Variants in SYN3 observed in about 807,000 individuals in gnomAD.
SYN3 encodes the protein synapsin-3.
SYN3 carries 35 observed loss-of-function variants against 65.8 expected under a neutral mutation model. The observed-to-expected ratio is 0.53, with a 90% CI of 0.41 to 0.70. The LOEUF (loss-of-function observed/expected upper bound fraction) is 0.70. SYN3 is among the 30% of genes least tolerant of loss of function. The pLI is 0.00. For missense variants in SYN3, 680 were observed against 749.0 expected (o/e 0.91, Z 1.08); for synonymous variants, 270 against 292.9 (o/e 0.92, Z 0.80).
At chr22:32,554,466 A>G (rs1270977677) in intron 7 of SYN3, among the ~76,000 whole-genome samples, 1 of 152,196 alleles carries the variant, frequency 6.6e-6, no homozygotes, top group Non-Finnish European at 1.5e-5. Flanking sequence ...ATATAAGCTC[A>G]TAAGACTAGG....
rs1273545819 is a variant in SYN3, at chr22:32,931,371, A to G, written c.461+19T>C. 6.4e-7 allele frequency: 1 copy of G among 1,556,900 alleles called. No homozygotes were observed. Among genetic ancestry groups the G allele is most frequent in the Non-Finnish European group, 8.9e-7 (1 of 1,128,038 alleles). On this transcript the variant is annotated intron_variant, in intron 4 of 13. Transcript: ENST00000358763. ...GTATGCAATTCTCAGAAGGTTCTGC[A>G]TATTTTAATCCTACTTACCTCACCA...
intron 6 of SYN3, among the ~76,000 whole-genome samples, chr22:32,613,421 C>A (rs1288490048): frequency 6.6e-6 from 1 of 152,128 alleles, no homozygotes; most frequent in African/African-American, 2.4e-5. Flanking sequence ...AAATGACCTT[C>A]ATTTTTTCAA....
intron 6 of SYN3, among the ~76,000 whole-genome samples, chr22:32,841,743 T>C (rs566406732): frequency 3.3e-5 from 5 of 152,222 alleles, no homozygotes; most frequent in African/African-American, 1.2e-4. Context: ...CTCGGCTTAA[T>C]ACCTCAGTGA....
rs542228904 is a variant in SYN3, at chr22:32,603,876, C to T, written c.712-7140G>A. Among the ~76,000 whole-genome samples, 8 of 152,344 alleles carry T rather than the reference C, an allele frequency of 5.3e-5. No individual in the cohort carries two copies. In the East Asian group the frequency reaches 7.7e-4, roughly 15 times the overall value. On this transcript the variant is annotated intron_variant, in intron 6 of 13. Transcript: ENST00000358763. ...TCCAGAGTGCAGCACTGCCCAGTGG[C>T]GTAAGAGGCCTGACATCCTGTCAGA...
intron 6 of SYN3, among the ~76,000 whole-genome samples, chr22:32,846,714 T>C (rs958939515): frequency 1.3e-5 from 2 of 152,204 alleles, no homozygotes; most frequent in African/African-American, 4.8e-5. Context: ...GCTATGTTGC[T>C]GCTCCAATAG....
At chr22:32,618,733 C>T (rs569133973) in intron 6 of SYN3, among the ~76,000 whole-genome samples, 3 of 152,234 alleles carry the variant, frequency 2.0e-5, no homozygotes, top group Non-Finnish European at 4.4e-5. Context: ...GAGCTGAGTC[C>T]GCAACAAGTG....
intron 2 of SYN3, among the ~76,000 whole-genome samples, chr22:32,985,520 G>C (rs1336554547): frequency 1.3e-5 from 2 of 152,168 alleles, no homozygotes; most frequent in African/African-American, 4.8e-5. Flanking sequence ...CCTGAGGGGT[G>C]GTAGGGCAGG....
chr22:32,710,548 G>A (rs1396668384), intron 6 of SYN3, among the ~76,000 whole-genome samples: 1 of 150,808 alleles, frequency 6.6e-6, no homozygotes, highest in Non-Finnish European at 1.5e-5. Context: ...CGGGAGAACT[G>A]CTTGAGCCTG....
intron 3 of SYN3, among the ~76,000 whole-genome samples, chr22:32,943,739 A>T (rs2051016110): frequency 6.6e-6 from 1 of 152,228 alleles, no homozygotes; most frequent in African/African-American, 2.4e-5. Flanking sequence ...CTCAAAATAA[A>T]GGGATGGAGG....
intron 1 of SYN3, among the ~76,000 whole-genome samples, chr22:33,024,385 C>A (rs1190539809): frequency 6.6e-6 from 1 of 152,180 alleles, no homozygotes; most frequent in Non-Finnish European, 1.5e-5. Context: ...TCTGATTCCA[C>A]AAGCTGGAAA....
Position 32,939,261 on chromosome 22 carries a change from A to G in SYN3, c.370-7780T>C, listed in dbSNP as rs1243980570. Among the ~76,000 whole-genome samples, 7 of 152,218 alleles carry G rather than the reference A, an allele frequency of 4.6e-5. No individual in the cohort carries two copies. In the East Asian group the frequency reaches 1.3e-3, roughly 29 times the overall value. On this transcript the variant is annotated intron_variant, in intron 3 of 13. Transcript: ENST00000358763. ...AAGAAAGGGAATGAGAAATGGAAATATACTGCTGAAAGGTTCTCACAGTAT... is the reference window on the plus strand; with the variant it reads ...AAGAAAGGGAATGAGAAATGGAAATGTACTGCTGAAAGGTTCTCACAGTAT...
Position 32,516,346 on chromosome 22 carries a change from G to GATTGATTTATTT in SYN3, c.1610+1696_1610+1697insAAATAAATCAAT, listed in dbSNP as rs779603620. ...ACGAGGCTTTTCAACATACATCTTT[G>GATTGATTTATTT]ATTTATTTATTTATTTATTTATTTA... On this transcript the variant is annotated intron_variant, in intron 13 of 13. Transcript: ENST00000358763. Among the ~76,000 whole-genome samples the GATTGATTTATTT allele has an allele frequency of 2.6e-3, 388 of 149,940 alleles. 5 individuals are homozygous for GATTGATTTATTT. The highest frequency in any genetic ancestry group is 9.4e-3 in the African/African-American group (377 of 40,162).
chr22:32,938,601 G>C (rs2050844742), intron 3 of SYN3, among the ~76,000 whole-genome samples: 1 of 151,724 alleles, frequency 6.6e-6, no homozygotes, highest in African/African-American at 2.4e-5. Flanking sequence ...TGTCGGTATG[G>C]AATATTATAC....
At chr22:33,019,118 G>C (rs1234798427) in intron 1 of SYN3, among the ~76,000 whole-genome samples, 2 of 152,170 alleles carry the variant, frequency 1.3e-5, no homozygotes, top group Non-Finnish European at 2.9e-5. Context: ...ACCAGAGGAA[G>C]CCCCCTCGTG....
chr22:33,046,624 C>T (rs545866998), intron 1 of SYN3, among the ~76,000 whole-genome samples: 115 of 152,054 alleles, frequency 7.6e-4, no homozygotes, highest in Admixed American at 1.9e-3. Context: ...AGGTGGATCA[C>T]GAGGTCAGGA....
At chr22:32,781,013 TTCTTTCTC>T (rs1157550760) in intron 6 of SYN3, among the ~76,000 whole-genome samples, 9 of 122,140 alleles carry the variant, frequency 7.4e-5, no homozygotes, top group African/African-American at 1.3e-4. Flanking sequence ...CCTTCTTTCT[TTCTTTCTC>T]TCTCTCTTTT....
chr22:32,665,155 G>T (rs1228370592), intron 6 of SYN3, among the ~76,000 whole-genome samples: 1 of 151,654 alleles, frequency 6.6e-6, no homozygotes, highest in African/African-American at 2.4e-5. Flanking sequence ...GTTCCACCAC[G>T]CCTAGCTAAT....
intron 6 of SYN3, among the ~76,000 whole-genome samples, chr22:32,637,667 T>A (rs1471572962): frequency 7.2e-6 from 1 of 139,500 alleles, no homozygotes; most frequent in East Asian, 2.2e-4. Context: ...AGACAGGGTC[T>A]CATTCTGTCG....
Position 33,006,763 on chromosome 22 carries a change from C to T in SYN3, c.-101G>A. The T allele has an allele frequency of 8.1e-7, 1 of 1,230,832 alleles. No individual in the cohort carries two copies. Among genetic ancestry groups the T allele is most frequent in the Non-Finnish European group, 1.1e-6 (1 of 888,302 alleles). The allele number at this position is 1,230,832 out of a possible 1,614,324, so 76.2% of individuals were successfully genotyped here. On this transcript the variant is annotated 5_prime_UTR_variant, in exon 2 of 14. Coordinates refer to ENST00000358763, the MANE Select transcript of SYN3 (RefSeq NM_003490.4). Reference sequence around the variant, plus strand: ...GGTACAGGGAGTGGTAGGACTTTAGCCAGAAGAGCCAGGGGGATTTTGCGC... The same window carrying T: ...GGTACAGGGAGTGGTAGGACTTTAGTCAGAAGAGCCAGGGGGATTTTGCGC...
Sources: allele counts gnomAD v4.1 joint callset (sites outside exome capture counted in the v4.1 genomes callset), GRCh38; gene constraint gnomAD v4.1.1; transcripts MANE v1.5; gene names NCBI Gene and HGNC (gene_info 2026-07-23, HGNC 2026-07-21).